SNX7: variants seen among roughly 807,000 people sequenced by gnomAD.
SNX7 encodes sorting nexin-7.
A neutral mutation model predicts 48.4 loss-of-function variants in SNX7; 35 were observed. That is an observed-to-expected ratio of 0.72 (90% confidence interval 0.55 to 0.96). The LOEUF is 0.96. Among genes scored for constraint, SNX7 ranks in the 40% least tolerant of loss-of-function variants. The probability of loss-of-function intolerance (pLI) is 0.00; values close to 1 mark genes in which losing one functional copy is unlikely to be tolerated. For missense variants in SNX7, 553 were observed against 548.9 expected, an observed-to-expected ratio of 1.01 and a Z score of -0.07; for synonymous variants, 190 against 190.2, an observed-to-expected ratio of 1.00 and a Z score of 0.01.
chr1:98,717,579 C>T lies in SNX7; in HGVS notation c.1125+15676C>T, dbSNP rs569603025. The stretch of plus-strand genomic sequence containing the variant: ...CCAACATGCTTCAAATAATTAATAC[C>T]AATCAGAATTTGCACGTGATAAATT... On this transcript the variant is annotated intron_variant, in intron 7 of 8. Transcript: ENST00000306121. Among the ~76,000 whole-genome samples the T allele has an allele frequency of 2.0e-5, 3 of 152,178 alleles. No homozygotes were observed. In the South Asian group the frequency reaches 6.2e-4, roughly 32 times the overall value.
intron 8 of SNX7, 145 bp from the exon 9 acceptor site, chr1:98,759,909 A>G: frequency 3.5e-6 from 2 of 579,372 alleles, no homozygotes; most frequent in South Asian, 5.0e-5. Context: ...TAAAATATGT[A>G]GAAAATGACA....
intron 1 of SNX7, among the ~76,000 whole-genome samples, chr1:98,664,932 T>C (rs1649459402): frequency 6.6e-6 from 1 of 152,116 alleles, no homozygotes; most frequent in African/African-American, 2.4e-5. Flanking sequence ...ATTTTAGAAC[T>C]AGGTCACAAT....
chr1:98,692,905 A>G (rs1651225487), intron 4 of SNX7, among the ~76,000 whole-genome samples: 1 of 152,180 alleles, frequency 6.6e-6, no homozygotes, highest in Non-Finnish European at 1.5e-5. Context: ...ATGATAGACT[A>G]GTATCCACAT....
Position 98,691,030 on chromosome 1 carries a change from C to T in SNX7, c.364-45C>T. 3 of 1,306,374 alleles carry T rather than the reference C, an allele frequency of 2.3e-6. 1 individual carries two copies. In the South Asian group the frequency reaches 4.1e-5, roughly 18 times the overall value. 80.9% of individuals were successfully genotyped at this position (1,306,374 alleles called of 1,614,324 possible). ...TAAAATAACGTTAGGCAAATACCTT[C>T]TATCTTATATTGCATGTGCTGTTAT... On this transcript the variant is annotated intron_variant, in intron 2 of 8. Coordinates refer to ENST00000306121, the MANE Select transcript of SNX7 (RefSeq NM_015976.5).
intron 7 of SNX7, among the ~76,000 whole-genome samples, chr1:98,721,490 A>G (rs1652869133): frequency 6.6e-6 from 1 of 152,082 alleles, no homozygotes; most frequent in Non-Finnish European, 1.5e-5. Flanking sequence ...TTTGCATCAC[A>G]AGCTATAGAG....
At chr1:98,715,384 C>T (rs1184943993) in intron 7 of SNX7, among the ~76,000 whole-genome samples, 1 of 151,998 alleles carries the variant, frequency 6.6e-6, no homozygotes, top group Non-Finnish European at 1.5e-5. Context: ...TTTATTTGTC[C>T]CATTAATGAT....
chr1:98,715,927 A>G (rs927056436), intron 7 of SNX7, among the ~76,000 whole-genome samples: 1 of 152,148 alleles, frequency 6.6e-6, no homozygotes, highest in African/African-American at 2.4e-5. Flanking sequence ...ACACACACAC[A>G]CACACGTTTT....
intron 8 of SNX7, among the ~76,000 whole-genome samples, chr1:98,741,322 A>G (rs919417919): frequency 6.6e-6 from 1 of 152,146 alleles, no homozygotes; most frequent in African/African-American, 2.4e-5. Context: ...TTATAAATAC[A>G]TGGTATGGGT....
intron 1 of SNX7, among the ~76,000 whole-genome samples, chr1:98,663,989 C>G (rs1480218149): frequency 6.6e-6 from 1 of 152,188 alleles, no homozygotes; most frequent in Non-Finnish European, 1.5e-5. Flanking sequence ...CAACCGTTAT[C>G]TGTAGTTAAG....
chr1:98,713,094 G>GAAAAAAAAAA (rs56653679), intron 7 of SNX7, among the ~76,000 whole-genome samples: 1 of 129,852 alleles, frequency 7.7e-6, no homozygotes, highest in African/African-American at 2.9e-5. Context: ...TCTGTCTCAG[G>GAAAAAAAAAA]AAAAAAAAAA....
chr1:98,719,580 A>G (rs1461097040), intron 7 of SNX7, among the ~76,000 whole-genome samples: 1 of 152,070 alleles, frequency 6.6e-6, no homozygotes, highest in East Asian at 1.9e-4. Context: ...TCTGATTTAT[A>G]GGAACTTCTT....
intron 1 of SNX7, among the ~76,000 whole-genome samples, chr1:98,681,108 A>G (rs560959656): frequency 8.5e-5 from 13 of 152,348 alleles, no homozygotes; most frequent in African/African-American, 3.1e-4. Flanking sequence ...TCATGGTGAA[A>G]AGCAAGGAGG....
At chr1:98,663,934 G>A (rs1649404242) in intron 1 of SNX7, among the ~76,000 whole-genome samples, 2 of 152,170 alleles carry the variant, frequency 1.3e-5, no homozygotes, top group Non-Finnish European at 2.9e-5. Flanking sequence ...AGTTGGAAAA[G>A]TTTAAAATTA....
intron 7 of SNX7, among the ~76,000 whole-genome samples, chr1:98,732,995 A>C (rs11166093): frequency 0.013 from 1,940 of 152,214 alleles, 55 homozygotes; most frequent in African/African-American, 0.045. Flanking sequence ...CGGTGTATCC[A>C]TATTACCTCC....
At chr1:98,747,823 A>G (rs1362756373) in intron 8 of SNX7, among the ~76,000 whole-genome samples, 1 of 152,088 alleles carries the variant, frequency 6.6e-6, no homozygotes, top group African/African-American at 2.4e-5. Context: ...AGAATTCTTA[A>G]GTATTATGTA....
chr1:98,673,086 G>A (rs2100916044), intron 1 of SNX7, among the ~76,000 whole-genome samples: 1 of 152,288 alleles, frequency 6.6e-6, no homozygotes, highest in Admixed American at 6.5e-5. Context: ...TGCAACAAGT[G>A]TTTTACTTTG....
In SNX7 at chr1:98,721,632, A is replaced by G. The variant is rs1652878329; in HGVS notation, c.1126-16605A>G. Among the ~76,000 whole-genome samples the G allele has an allele frequency of 2.6e-5, 4 of 152,246 alleles. No homozygotes were observed. In the South Asian group the frequency reaches 8.3e-4, roughly 32 times the overall value. ...TATATTGAGAACTAAATGAGATAAT[A>G]TATGAGATATTGTTTAGTTAAGTAG... On this transcript the variant is annotated intron_variant, in intron 7 of 8. Transcript: ENST00000306121.
intron 8 of SNX7, among the ~76,000 whole-genome samples, chr1:98,753,035 C>T (rs1030212928): frequency 1.3e-5 from 2 of 151,988 alleles, no homozygotes; most frequent in Non-Finnish European, 2.9e-5. Flanking sequence ...ATACAATTTA[C>T]GAGATTTATC....
intron 2 of SNX7, 86 bp from the exon 3 acceptor site, chr1:98,690,988 AT>A (rs1570520557): frequency 1.3e-6 from 1 of 750,972 alleles, no homozygotes; most frequent in East Asian, 3.0e-5. Context: ...TTAGAGACCC[AT>A]TTATTTCACA....
Sources: gnomAD v4.1 joint callset for allele counts (sites outside exome capture counted in the v4.1 genomes callset) on GRCh38, gnomAD v4.1.1 for gene constraint, MANE v1.5 for transcripts, NCBI Gene and HGNC (gene_info 2026-07-23, HGNC 2026-07-21) for gene names.